The following DPYSL5 variants were observed in gnomAD, a reference collection of about 807,000 sequenced individuals.
DPYSL5 encodes dihydropyrimidinase like 5.
A neutral mutation model predicts 58.4 loss-of-function variants in DPYSL5; 9 were observed. The ratio of observed to expected loss-of-function variants is 0.15; its 90% CI spans 0.09 to 0.27. The LOEUF is 0.27. Among genes scored for constraint, DPYSL5 ranks in the 10% least tolerant of loss-of-function variants. The pLI is 1.00. For synonymous variants in DPYSL5, 293 were observed against 301.9 expected, an observed-to-expected ratio of 0.97 and a Z score of 0.31; for missense variants, 499 against 770.6, an observed-to-expected ratio of 0.65 and a Z score of 4.17.
Position 26,940,121 on chromosome 2 carries a change from T to C in DPYSL5, c.1038T>C (p.His346=). Residue 346 remains histidine (H), a synonymous_variant, in exon 9 of 13, where the codon CAT becomes CAC. Transcript: ENST00000288699. ...MGKEDFTKIP[H]GVSGVQDRMS... is the part of the protein sequence containing the mutation. ...AGGAAGACTTCACCAAGATCCCACATGGAGTGAGTGGCGTGCAGGACCGCA... is the reference window on the plus strand; with the variant it reads ...AGGAAGACTTCACCAAGATCCCACACGGAGTGAGTGGCGTGCAGGACCGCA... 6.2e-7 allele frequency: 1 copy of C among 1,614,164 alleles called. No homozygotes were observed. Among genetic ancestry groups the C allele is most frequent in the Non-Finnish European group, 8.5e-7 (1 of 1,180,034 alleles).
chr2:26,852,648 G>C lies in DPYSL5; in HGVS notation c.-5+4394G>C, dbSNP rs373921768. 1.8e-4 allele frequency among the ~76,000 whole-genome samples: 27 copies of C among 152,190 alleles called. 1 individual carries two copies. The highest frequency in any genetic ancestry group is 1.3e-3 in the East Asian group (7 of 5,192). On this transcript the variant is annotated intron_variant, in intron 1 of 12. Coordinates refer to ENST00000288699, the MANE Select transcript of DPYSL5 (RefSeq NM_020134.4). ...TCAGCGGTAGCGTGTACAGGAGGGAGAGCCAGAAAGCCTGGGTTCAGATTT... is the reference window on the plus strand; with the variant it reads ...TCAGCGGTAGCGTGTACAGGAGGGACAGCCAGAAAGCCTGGGTTCAGATTT...
chr2:26,913,154 ATTG>A (rs1318928315), intron 2 of DPYSL5, among the ~76,000 whole-genome samples: 7 of 152,206 alleles, frequency 4.6e-5, no homozygotes, highest in Non-Finnish European at 1.0e-4. Flanking sequence ...GTACATTCGC[ATTG>A]TTGTGCAACC....
At chr2:26,859,153 A>G (rs1665951742) in intron 1 of DPYSL5, among the ~76,000 whole-genome samples, 1 of 152,134 alleles carries the variant, frequency 6.6e-6, no homozygotes, top group African/African-American at 2.4e-5. Context: ...ACTAGATTCC[A>G]TTTTTTTAAT....
chr2:26,894,695 T>C (rs1663968846), intron 1 of DPYSL5, among the ~76,000 whole-genome samples: 1 of 152,198 alleles, frequency 6.6e-6, no homozygotes, highest in African/African-American at 2.4e-5. Context: ...GTCCTAAAAT[T>C]GATACTTTCC....
chr2:26,938,525 C>T (rs1001244170), intron 8 of DPYSL5: 7 of 152,270 alleles, frequency 4.6e-5, no homozygotes, highest in South Asian at 2.1e-4. Flanking sequence ...CCCAGCCTAC[C>T]GCACAGGAAG....
At position 26,849,926 on chromosome 2, in the gene DPYSL5, C is replaced by T. The variant is rs529673355; in HGVS notation, c.-5+1672C>T. Among the ~76,000 whole-genome samples the T allele has an allele frequency of 7.9e-5, 12 of 152,314 alleles. No homozygotes were observed. The East Asian group carries it at 2.1e-3, about 27-fold the overall frequency. On this transcript the variant is annotated intron_variant, in intron 1 of 12. Coordinates refer to ENST00000288699, the MANE Select transcript of DPYSL5 (RefSeq NM_020134.4). The surrounding 1 kb of genome is among the most constrained non-coding windows in gnomAD (Gnocchi z 6.2). ...CCGCCGCCCGCCCCGCGCTGTCCAC[C>T]CGCTGCCGAGACGCGGCGTGGTTAG...
Position 26,899,238 on chromosome 2 carries a change from A to G in DPYSL5, c.261+478A>G, listed in dbSNP as rs112910563. ...TTGCTTGTTATTTTTAAAAACAACC[A>G]GAAAATTGCTGGTGGTGGGCTCTCT... On this transcript the variant is annotated intron_variant, in intron 2 of 12. Coordinates refer to ENST00000288699, the MANE Select transcript of DPYSL5 (RefSeq NM_020134.4). Among the ~76,000 whole-genome samples, 722 of 152,306 alleles carry G rather than the reference A, an allele frequency of 4.7e-3. 6 individuals are homozygous for G. Among genetic ancestry groups the G allele is most frequent in the African/African-American group, 0.017 (696 of 41,556 alleles).
intron 8 of DPYSL5, 85 bp from the exon 9 acceptor site, chr2:26,939,946 C>T (rs1378798735): frequency 8.3e-6 from 13 of 1,561,406 alleles, no homozygotes; most frequent in Admixed American, 5.2e-5. Context: ...GCTTCCCACA[C>T]GGAGGATTTT....
At chr2:26,891,169 G>A (rs1022977242) in intron 1 of DPYSL5, among the ~76,000 whole-genome samples, 3 of 152,158 alleles carry the variant, frequency 2.0e-5, no homozygotes, top group Admixed American at 2.0e-4. Flanking sequence ...AAAAATGGGG[G>A]CAATGATGGT....
chr2:26,932,240 A>G lies in DPYSL5; in HGVS notation c.714+556A>G, dbSNP rs150757829. On this transcript the variant is annotated intron_variant, in intron 6 of 12. Coordinates refer to ENST00000288699, the MANE Select transcript of DPYSL5 (RefSeq NM_020134.4). ...AGAAAGAAAGAAAGAAAGAAAACCAACCTCTACGATGCAGCCCCATTCTGC... is the reference window on the plus strand; with the variant it reads ...AGAAAGAAAGAAAGAAAGAAAACCAGCCTCTACGATGCAGCCCCATTCTGC... 8.4e-3 allele frequency among the ~76,000 whole-genome samples: 1,273 copies of G among 150,758 alleles called. 12 individuals are homozygous for G. The highest frequency in any genetic ancestry group is 0.029 in the African/African-American group (1,165 of 40,866).
intron 6 of DPYSL5, among the ~76,000 whole-genome samples, chr2:26,932,095 AAG>A (rs144990873): frequency 5.1e-4 from 30 of 59,348 alleles, no homozygotes; most frequent in African/African-American, 1.8e-3. Flanking sequence ...AGAAAAAAGA[AAG>A]AGAAAGAAAG....
Position 26,944,741 on chromosome 2 carries a change from C to A in DPYSL5, c.1526C>A (p.Thr509Asn). Residue 509 changes from threonine (T) to asparagine (N), a missense_variant, in exon 12 of 13, where the codon ACC becomes AAC. Coordinates refer to ENST00000288699, the MANE Select transcript of DPYSL5 (RefSeq NM_020134.4). This position sits in a 1 kb window ranked among gnomAD's most constrained non-coding sequence, Gnocchi z 4.4. ...VVHPGKKEMG[T>N]PLADTPTRPV... Reference sequence around the variant, plus strand: ...CACCCTGGGAAAAAAGAGATGGGAACCCCACTCGCAGACACTCCTACCCGG... The same window carrying A: ...CACCCTGGGAAAAAAGAGATGGGAAACCCACTCGCAGACACTCCTACCCGG... 6.2e-7 allele frequency: 1 copy of A among 1,614,088 alleles called. No homozygotes were observed. The highest frequency in any genetic ancestry group is 8.5e-7 in the Non-Finnish European group (1 of 1,179,996).
chr2:26,850,302 G>C (rs1419576250), intron 1 of DPYSL5, among the ~76,000 whole-genome samples: 1 of 152,142 alleles, frequency 6.6e-6, no homozygotes, highest in Non-Finnish European at 1.5e-5. Flanking sequence ...GGCGCTGCTT[G>C]CCCGTGGGAA....
chr2:26,922,182 C>A (rs922826748), intron 2 of DPYSL5, among the ~76,000 whole-genome samples: 4 of 152,344 alleles, frequency 2.6e-5, no homozygotes, highest in African/African-American at 9.6e-5. Flanking sequence ...CCGAATCTCT[C>A]CTCCTGGGGG....
intron 1 of DPYSL5, among the ~76,000 whole-genome samples, chr2:26,893,014 C>T (rs1305331138): frequency 1.3e-5 from 2 of 152,216 alleles, no homozygotes; most frequent in African/African-American, 4.8e-5. Flanking sequence ...GTCCAACTCC[C>T]CACGGCCTCT....
At chr2:26,857,470 G>T (rs1262630250) in intron 1 of DPYSL5, among the ~76,000 whole-genome samples, 1 of 151,950 alleles carries the variant, frequency 6.6e-6, no homozygotes, top group Non-Finnish European at 1.5e-5. Context: ...AACCCGGGAG[G>T]TGGAGTTTGC....
chr2:26,883,672 T>G (rs982166249), intron 1 of DPYSL5, among the ~76,000 whole-genome samples: 3 of 152,184 alleles, frequency 2.0e-5, no homozygotes, highest in Non-Finnish European at 2.9e-5. Flanking sequence ...GTGCTGAGAT[T>G]ACAGGCATGA....
chr2:26,911,177 G>A (rs11898143), intron 2 of DPYSL5, among the ~76,000 whole-genome samples: 1,678 of 145,558 alleles, frequency 0.012, 30 homozygotes, highest in African/African-American at 0.04. Context: ...CCATACATGT[G>A]CCAGCCTATT....
intron 1 of DPYSL5, among the ~76,000 whole-genome samples, chr2:26,850,427 G>A (rs554995774): frequency 6.6e-6 from 1 of 152,306 alleles, no homozygotes; most frequent in Non-Finnish European, 1.5e-5. Context: ...GCCTTGACAT[G>A]TGAAGTGACA....
Sources: gnomAD v4.1 joint callset for allele counts (sites outside exome capture counted in the v4.1 genomes callset) on GRCh38, gnomAD v4.1.1 for gene constraint, Gnocchi (gnomAD v3.1) non-coding constraint, MANE v1.5 for transcripts, NCBI Gene and HGNC (gene_info 2026-07-23, HGNC 2026-07-21) for gene names.